ZNF407: variants seen among roughly 807,000 people sequenced by gnomAD.
The protein encoded by ZNF407 is zinc finger protein 407.
In ZNF407, 17 loss-of-function variants were observed where a neutral mutation model predicts 131.2. The ratio of observed to expected loss-of-function variants is 0.13; its 90% CI spans 0.09 to 0.19. The LOEUF is 0.19. ZNF407 is among the 10% of genes least tolerant of loss of function. The probability of loss-of-function intolerance (pLI) is 1.00; values close to 1 mark genes in which losing one functional copy is unlikely to be tolerated. For synonymous variants in ZNF407, 1,156 were observed against 1,062.0 expected, an observed-to-expected ratio of 1.09 and a Z score of -1.72; for missense variants, 2,681 against 2,830.6, an observed-to-expected ratio of 0.95 and a Z score of 1.20.
intron 6 of ZNF407, among the ~76,000 whole-genome samples, chr18:74,889,485 T>C (rs1242079263): frequency 6.6e-6 from 1 of 152,220 alleles, no homozygotes; most frequent in Admixed American, 6.5e-5. Context: ...TTTATTTTTC[T>C]TCATATCTAA....
chr18:74,678,532 A>G (rs998886930), intron 3 of ZNF407, among the ~76,000 whole-genome samples: 2 of 152,176 alleles, frequency 1.3e-5, no homozygotes, highest in African/African-American at 2.4e-5. Flanking sequence ...ACCCTTAGGA[A>G]AAAGGCAGTT....
intron 6 of ZNF407, among the ~76,000 whole-genome samples, chr18:74,888,949 A>G (rs1971348001): frequency 6.6e-6 from 1 of 152,280 alleles, no homozygotes; most frequent in Middle Eastern, 3.4e-3. Context: ...GCATCACATA[A>G]CTTGTTGGTC....
In ZNF407 at chr18:74,632,447, G is replaced by T. The variant is rs778908169; in HGVS notation, c.1428G>T (p.Val476=). ...TGAAAACACACGATGCAGAATCAGT[G>T]CTGAAACACCTGGAAGCGTGCAGCA... ...TQMKTHDAES[V]LKHLEACSSV... Residue 476 remains valine, a synonymous_variant, in exon 2 of 9, where the codon GTG becomes GTT. Transcript: ENST00000299687. 6.8e-6 allele frequency: 11 copies of T among 1,613,932 alleles called. No individual in the cohort carries two copies. The highest frequency in any genetic ancestry group is 6.8e-6 in the Non-Finnish European group (8 of 1,179,910).
chr18:74,693,873 T>C (rs1967287881), intron 3 of ZNF407, among the ~76,000 whole-genome samples: 1 of 152,202 alleles, frequency 6.6e-6, no homozygotes, highest in South Asian at 2.1e-4. Flanking sequence ...GTGTATATAT[T>C]AGCCTGTTTG....
intron 7 of ZNF407, among the ~76,000 whole-genome samples, chr18:74,908,526 C>T (rs1971626064): frequency 6.6e-6 from 1 of 152,114 alleles, no homozygotes; most frequent in African/African-American, 2.4e-5. Context: ...TCTAGTGGTG[C>T]ATGTGGTCCA....
chr18:74,908,592 T>C (rs1160138292), intron 7 of ZNF407, among the ~76,000 whole-genome samples: 5 of 152,194 alleles, frequency 3.3e-5, no homozygotes. Context: ...ATGTTCCCTT[T>C]TAGGCAGAGG....
At chr18:74,943,911 C>G (rs1972127471) in intron 8 of ZNF407, among the ~76,000 whole-genome samples, 1 of 152,140 alleles carries the variant, frequency 6.6e-6, no homozygotes, top group Non-Finnish European at 1.5e-5. Flanking sequence ...CAGTTTTCCC[C>G]TTCGAATTTC....
At position 74,703,749 on chromosome 18, in the gene ZNF407, T is replaced by G. The variant is rs1967556536; in HGVS notation, c.4802+62627T>G. Among the ~76,000 whole-genome samples, 1 of 152,142 alleles carries G rather than the reference T, an allele frequency of 6.6e-6. No homozygotes were observed. Among genetic ancestry groups the G allele is most frequent in the Non-Finnish European group, 1.5e-5 (1 of 68,026 alleles). The stretch of plus-strand genomic sequence containing the variant: ...TTTAATACATCATCAACAAGTTCTA[T>G]TAGTGTGTTCTGCCCTATTAGCAAA... On this transcript the variant is annotated intron_variant, in intron 3 of 8. Transcript: ENST00000299687. The surrounding 1 kb of genome is among the most constrained non-coding windows in gnomAD (Gnocchi z 4.1).
At chr18:74,870,453 A>G (rs1468068447) in intron 4 of ZNF407, among the ~76,000 whole-genome samples, 1 of 152,206 alleles carries the variant, frequency 6.6e-6, no homozygotes, top group Non-Finnish European at 1.5e-5. Flanking sequence ...TTGAAGCCAC[A>G]CTAGAGCCTT....
At chr18:74,950,504 G>A (rs1041019404) in intron 8 of ZNF407, among the ~76,000 whole-genome samples, 3 of 152,058 alleles carry the variant, frequency 2.0e-5, no homozygotes, top group Non-Finnish European at 4.4e-5. Flanking sequence ...TTACAAGCAG[G>A]GCTGAGGTAG....
In ZNF407 at chr18:75,005,102, C is replaced by G. The variant is rs552266702; in HGVS notation, c.5429-58048C>G. Among the ~76,000 whole-genome samples, 6 of 152,236 alleles carry G rather than the reference C, an allele frequency of 3.9e-5. No homozygotes were observed. In the East Asian group the frequency reaches 1.2e-3, roughly 29 times the overall value. On this transcript the variant is annotated intron_variant, in intron 8 of 8. Coordinates refer to ENST00000299687, the MANE Select transcript of ZNF407 (RefSeq NM_017757.3). ...CATGGGAAAGTCCTTGATTCAGCCT[C>G]CCATAAAAATAAACTTCTATTATGG...
At chr18:74,849,934 A>G (rs1162015818) in intron 4 of ZNF407, among the ~76,000 whole-genome samples, 2 of 152,228 alleles carry the variant, frequency 1.3e-5, no homozygotes, top group African/African-American at 4.8e-5. Flanking sequence ...ATGAATAAGT[A>G]TAACTTATTT....
chr18:74,901,454 C>T (rs1463522816), intron 7 of ZNF407, among the ~76,000 whole-genome samples: 2 of 152,176 alleles, frequency 1.3e-5, no homozygotes, highest in African/African-American at 2.4e-5. Flanking sequence ...CCACAGTGCT[C>T]CTAAAGTAGG....
At chr18:74,802,154 A>C (rs145314618) in intron 4 of ZNF407, among the ~76,000 whole-genome samples, 4 of 152,324 alleles carry the variant, frequency 2.6e-5, no homozygotes, top group Admixed American at 6.5e-5. Context: ...ATAAATGTAC[A>C]TATAGTTATA....
At chr18:74,934,755 G>A (rs1033348975) in intron 8 of ZNF407, among the ~76,000 whole-genome samples, 1 of 152,150 alleles carries the variant, frequency 6.6e-6, no homozygotes, top group Admixed American at 6.5e-5. Context: ...GCAGTGAGCC[G>A]AGATCATGCC....
In ZNF407 at chr18:74,631,348, A is replaced by T. The variant is rs1429479962; in HGVS notation, c.329A>T (p.Glu110Val). The T allele has an allele frequency of 4.3e-6, 7 of 1,613,938 alleles. No homozygotes were observed. The highest frequency in any genetic ancestry group is 5.1e-6 in the Non-Finnish European group (6 of 1,179,904). ...SVTEGGIALD[E>V]TGKETFLSDC... is the part of the protein sequence containing the mutation. ...ACAGAAGGGGGTATTGCATTAGATG[A>T]AACAGGGAAGGAGACCTTTCTGAGT... Residue 110 changes from glutamate (E) to valine (V), a missense_variant, in exon 2 of 9, where the codon GAA (glutamate) becomes GTA (valine). By Grantham distance (121) the Glu-to-Val change is moderately radical. Transcript: ENST00000299687.
intron 8 of ZNF407, among the ~76,000 whole-genome samples, chr18:74,986,982 A>G (rs1388976917): frequency 6.6e-6 from 1 of 152,220 alleles, no homozygotes; most frequent in Non-Finnish European, 1.5e-5. Flanking sequence ...TGTTTAAAAT[A>G]TTAGGACTAG....
At chr18:74,940,341 C>A (rs187812298) in intron 8 of ZNF407, among the ~76,000 whole-genome samples, 242 of 152,106 alleles carry the variant, frequency 1.6e-3, no homozygotes, top group Admixed American at 7.7e-3. Flanking sequence ...CTGCCCCTGC[C>A]CAGGGAAGGG....
chr18:74,841,990 C>G (rs1437779418), intron 4 of ZNF407, among the ~76,000 whole-genome samples: 1 of 152,086 alleles, frequency 6.6e-6, no homozygotes, highest in African/African-American at 2.4e-5. Flanking sequence ...ATATTATGTT[C>G]CTGAGGTGAG....
Sources: allele counts gnomAD v4.1 joint callset (sites outside exome capture counted in the v4.1 genomes callset), GRCh38; gene constraint gnomAD v4.1.1; non-coding constraint Gnocchi (gnomAD v3.1); transcripts MANE v1.5; gene names NCBI Gene and HGNC (gene_info 2026-07-23, HGNC 2026-07-21).